MAGI2: variants seen among roughly 807,000 people sequenced by gnomAD.
MAGI2 encodes membrane-associated guanylate kinase, WW and PDZ domain-containing protein 2.
A neutral mutation model predicts 133.3 loss-of-function variants in MAGI2; 35 were observed. That is an observed-to-expected ratio of 0.26 (90% CI 0.20 to 0.35). MAGI2 has a LOEUF of 0.35. Among genes scored for constraint, MAGI2 ranks in the 10% least tolerant of loss-of-function variants. MAGI2 has a pLI of 1.00. For missense variants in MAGI2, 1,636 were observed against 1,863.4 expected (o/e 0.88, Z 2.25); for synonymous variants, 729 against 710.6 (o/e 1.03, Z -0.41).
At chr7:79,012,056 A>C (rs1584672912) in intron 1 of MAGI2, 2 of 151,708 alleles carry the variant, frequency 1.3e-5, no homozygotes, top group South Asian at 4.2e-4. Flanking sequence ...CTCTGCCCTT[A>C]CTTAGTCAAT....
At chr7:78,236,388 C>T (rs1397116333) in intron 10 of MAGI2, among the ~76,000 whole-genome samples, 2 of 152,168 alleles carry the variant, frequency 1.3e-5, no homozygotes, top group African/African-American at 2.4e-5. Flanking sequence ...CTCACACATG[C>T]ATCTTCCTGA....
chr7:78,897,713 G>C (rs372004257), intron 2 of MAGI2, among the ~76,000 whole-genome samples: 9 of 152,214 alleles, frequency 5.9e-5, no homozygotes, highest in African/African-American at 2.2e-4. Context: ...TCTATGAATT[G>C]TTTTGTGCAG....
intron 1 of MAGI2, among the ~76,000 whole-genome samples, chr7:79,008,229 A>C (rs1807661220): frequency 6.6e-6 from 1 of 152,156 alleles, no homozygotes; most frequent in African/African-American, 2.4e-5. Flanking sequence ...TAATCATAAA[A>C]TTATATTCCT....
chr7:78,185,606 T>C (rs755743810), intron 13 of MAGI2, 23 bp downstream of exon 13: 6 of 1,550,650 alleles, frequency 3.9e-6, no homozygotes, highest in Non-Finnish European at 5.3e-6. Flanking sequence ...TTCACAGAAC[T>C]GTGAGTACTG....
chr7:78,926,263 T>C (rs1030403558), intron 2 of MAGI2, among the ~76,000 whole-genome samples: 7 of 152,058 alleles, frequency 4.6e-5, no homozygotes, highest in African/African-American at 1.7e-4. Flanking sequence ...GTCTGCTTAT[T>C]ATTTGTGGAT....
chr7:79,148,374 C>T (rs1822855320), intron 1 of MAGI2, among the ~76,000 whole-genome samples: 1 of 152,182 alleles, frequency 6.6e-6, no homozygotes, highest in Non-Finnish European at 1.5e-5. Flanking sequence ...TTCCCAGGCC[C>T]ACCTAAGTGT....
intron 1 of MAGI2, among the ~76,000 whole-genome samples, chr7:79,089,064 T>G (rs964678837): frequency 3.3e-5 from 5 of 151,958 alleles, no homozygotes; most frequent in Non-Finnish European, 7.4e-5. Context: ...TGACAGAATC[T>G]AATGTATCCA....
At chr7:79,127,384 C>T (rs2129545068) in intron 1 of MAGI2, among the ~76,000 whole-genome samples, 1 of 152,188 alleles carries the variant, frequency 6.6e-6, no homozygotes, top group Non-Finnish European at 1.5e-5. Context: ...CACTGACTTC[C>T]ACAATGGTTG....
chr7:79,017,219 G>T (rs892454831), intron 1 of MAGI2, among the ~76,000 whole-genome samples: 6 of 152,194 alleles, frequency 3.9e-5, no homozygotes, highest in African/African-American at 1.4e-4. Flanking sequence ...AAACAATTCA[G>T]GCCCCTCCAG....
chr7:78,657,569 C>A (rs926060194), intron 2 of MAGI2, among the ~76,000 whole-genome samples: 24 of 152,172 alleles, frequency 1.6e-4, no homozygotes, highest in Non-Finnish European at 3.2e-4. Flanking sequence ...GAAAAGGCTA[C>A]ATACTGTATG....
At chr7:78,841,983 C>T (rs1183683230) in intron 2 of MAGI2, among the ~76,000 whole-genome samples, 1 of 151,912 alleles carries the variant, frequency 6.6e-6, no homozygotes, top group Admixed American at 6.6e-5. Context: ...AGAGTCCAAA[C>T]TATCAGTACA....
chr7:79,202,149 G>A (rs774022363), intron 1 of MAGI2, among the ~76,000 whole-genome samples: 4 of 151,904 alleles, frequency 2.6e-5, no homozygotes, highest in Admixed American at 6.6e-5. Context: ...TAAGTGTAAC[G>A]CTGTAAATAT....
intron 1 of MAGI2, among the ~76,000 whole-genome samples, chr7:79,022,652 A>C (rs1809457680): frequency 6.6e-6 from 1 of 151,536 alleles, no homozygotes; most frequent in Non-Finnish European, 1.5e-5. Context: ...GATCCAAAAA[A>C]AAAAAAAAAA....
chr7:79,065,842 A>G (rs1814260974), intron 1 of MAGI2, among the ~76,000 whole-genome samples: 1 of 152,198 alleles, frequency 6.6e-6, no homozygotes, highest in Non-Finnish European at 1.5e-5. Flanking sequence ...TAGTTTGCTG[A>G]GAATGATGGT....
chr7:78,370,453 G>A (rs113611553), intron 6 of MAGI2, among the ~76,000 whole-genome samples: 7,822 of 151,876 alleles, frequency 0.052, 259 homozygotes, highest in Non-Finnish European at 0.074. Flanking sequence ...GTTTTTACCT[G>A]TCATGTGTCA....
intron 1 of MAGI2, among the ~76,000 whole-genome samples, chr7:79,119,199 A>G (rs1819666402): frequency 6.6e-6 from 1 of 152,198 alleles, no homozygotes; most frequent in South Asian, 2.1e-4. Context: ...GTTAACCAGT[A>G]GTGACCTCTT....
At chr7:78,475,159 T>C (rs6466241) in intron 6 of MAGI2, among the ~76,000 whole-genome samples, 44,671 of 151,828 alleles carry the variant, frequency 0.29, 7,625 homozygotes, top group African/African-American at 0.47. Context: ...ATCTTGTGTG[T>C]ATGCTTTTTA....
intron 20 of MAGI2, among the ~76,000 whole-genome samples, chr7:78,094,810 A>G (rs1462426218): frequency 6.6e-6 from 1 of 152,146 alleles, no homozygotes; most frequent in African/African-American, 2.4e-5. Flanking sequence ...ATTTTAATCT[A>G]TTAAAGTCTA....
Position 78,667,196 on chromosome 7 carries a change from T to C in MAGI2, c.419-39957A>G, listed in dbSNP as rs76806615. 3.2e-4 allele frequency among the ~76,000 whole-genome samples: 49 copies of C among 152,114 alleles called. No individual in the cohort carries two copies. The East Asian group carries it at 8.5e-3, about 26-fold the overall frequency. On this transcript the variant is annotated intron_variant, in intron 2 of 21. Coordinates refer to ENST00000354212, the MANE Select transcript of MAGI2 (RefSeq NM_012301.4). Reference sequence around the variant, plus strand: ...TGGAGTTAAATATAGAACATCTTCTTCACAACACAGATCTCTCATGTTGTC... The same window carrying C: ...TGGAGTTAAATATAGAACATCTTCTCCACAACACAGATCTCTCATGTTGTC...
Sources: gnomAD v4.1 joint callset for allele counts (sites outside exome capture counted in the v4.1 genomes callset) on GRCh38, gnomAD v4.1.1 for gene constraint, MANE v1.5 for transcripts, NCBI Gene and HGNC (gene_info 2026-07-23, HGNC 2026-07-21) for gene names.